GBP6: variants seen among roughly 807,000 people sequenced by gnomAD.
GBP6 encodes the protein guanylate-binding protein 6.
In GBP6, 54 loss-of-function variants were observed where a neutral mutation model predicts 61.5. The observed-to-expected ratio is 0.88, with a 90% CI of 0.71 to 1.10. The LOEUF is 1.10. Among genes scored for constraint, GBP6 ranks in the 50% least tolerant of loss-of-function variants. The pLI is 0.00. For synonymous variants in GBP6, 255 were observed against 273.7 expected (o/e 0.93, Z 0.67); for missense variants, 748 against 752.8 (o/e 0.99, Z 0.07).
intron 6 of GBP6, among the ~76,000 whole-genome samples, chr1:89,380,901 CT>C (rs1364039332): frequency 6.6e-6 from 1 of 152,102 alleles, no homozygotes; most frequent in Admixed American, 6.5e-5. Flanking sequence ...ATAAAAACAT[CT>C]ATAATATTTT....
chr1:89,378,044 G>A, intron 3 of GBP6, 59 bp from the exon 4 acceptor site: 3 of 1,425,388 alleles, frequency 2.1e-6, no homozygotes, highest in Non-Finnish European at 2.9e-6. Context: ...CAAAATAAAT[G>A]TCTCAGTGAA....
intron 3 of GBP6, among the ~76,000 whole-genome samples, chr1:89,373,751 A>G (rs891835112): frequency 2.6e-4 from 39 of 152,132 alleles, no homozygotes; most frequent in African/African-American, 9.2e-4. Context: ...CCAACATGGC[A>G]CATGTATACA....
At chr1:89,375,064 C>T (rs6428525) in intron 3 of GBP6, among the ~76,000 whole-genome samples, 132,259 of 152,182 alleles carry the variant, frequency 0.87, 57,603 homozygotes, top group Admixed American at 0.89. Context: ...GGATAATGCC[C>T]TCCAGGCCCA....
At chr1:89,376,972 T>C (rs1410143006) in intron 3 of GBP6, among the ~76,000 whole-genome samples, 1 of 152,164 alleles carries the variant, frequency 6.6e-6, no homozygotes, top group Non-Finnish European at 1.5e-5. Context: ...AGAATCCTCA[T>C]TGATTACTTT....
At chr1:89,377,315 TG>T (rs1484681361) in intron 3 of GBP6, among the ~76,000 whole-genome samples, 2 of 152,188 alleles carry the variant, frequency 1.3e-5, no homozygotes, top group African/African-American at 2.4e-5. Context: ...CAAAGACTCC[TG>T]AAATCTACAA....
intron 6 of GBP6, among the ~76,000 whole-genome samples, chr1:89,381,364 A>T (rs1652972312): frequency 6.6e-6 from 1 of 151,630 alleles, no homozygotes; most frequent in Non-Finnish European, 1.5e-5. Flanking sequence ...AATAAATGTG[A>T]TATGATTTAC....
chr1:89,380,704 T>G, intron 6 of GBP6, 73 bp downstream of exon 6: 1 of 1,441,414 alleles, frequency 6.9e-7, no homozygotes, highest in Non-Finnish European at 9.4e-7. Context: ...TTCTCAGAAT[T>G]TTTGTTAGAT....
At chr1:89,375,868 G>GCTTGTA (rs1229992925) in intron 3 of GBP6, among the ~76,000 whole-genome samples, 1 of 151,860 alleles carries the variant, frequency 6.6e-6, no homozygotes, top group Non-Finnish European at 1.5e-5. Flanking sequence ...TATTCTTCTG[G>GCTTGTA]TATTTTTACG....
rs557016068 is a variant in GBP6 at position 89,380,543 on chromosome 1, C to T, written c.783C>T (p.Phe261=). Residue 261 remains phenylalanine, a synonymous_variant, in exon 6 of 11, where the codon TTC becomes TTT. Coordinates refer to ENST00000370456, the MANE Select transcript of GBP6 (RefSeq NM_198460.3). The part of the protein sequence containing the change: ...KVSEKQLDPK[F]QEQTNIFCSY... The stretch of plus-strand genomic sequence containing the variant: ...CAGAAAAGCAACTGGATCCCAAATT[C>T]CAGGAACAAACAAACATTTTCTGTT... 2.5e-6 allele frequency: 4 copies of T among 1,614,070 alleles called. No individual in the cohort carries two copies. The African/African-American group carries it at 4.0e-5, about 16-fold the overall frequency.
rs770565352 is a variant in GBP6, at chr1:89,380,598, A to G, written c.838A>G (p.Thr280Ala). ...CATCTTCACTCATGCAAGAACCAAG[A>G]CCCTCAGGGAGGGAATCACAGTCAC... ...SYIFTHARTK[T>A]LREGITVTGN... The change falls in exon 6 of 11, where the codon ACC (threonine) becomes GCC (alanine). Residue 280 changes from threonine (T) to alanine (A), a missense_variant. Physicochemically the swap from Thr to Ala is moderately conservative, Grantham distance 58 (BLOSUM62 0). Transcript: ENST00000370456. 204 of 1,613,760 alleles carry G rather than the reference A, an allele frequency of 1.3e-4. No homozygotes were observed. In the East Asian group the frequency reaches 4.5e-3, roughly 35 times the overall value.
At chr1:89,368,826 G>C (rs931122210) in intron 2 of GBP6, 85 bp downstream of exon 2, 10 of 1,269,146 alleles carry the variant, frequency 7.9e-6, no homozygotes, top group African/African-American at 1.5e-5. Context: ...AGCACATGAA[G>C]GTAGACTCCA....
chr1:89,367,732 C>T (rs1240491692), intron 1 of GBP6, among the ~76,000 whole-genome samples: 1 of 152,096 alleles, frequency 6.6e-6, no homozygotes, highest in Non-Finnish European at 1.5e-5. Flanking sequence ...TTGTGTATGA[C>T]ATACCAGAAA....
chr1:89,375,605 T>TG (rs1652783560), intron 3 of GBP6, among the ~76,000 whole-genome samples: 2 of 151,658 alleles, frequency 1.3e-5, no homozygotes, highest in Non-Finnish European at 2.9e-5. Context: ...GTATAAGGAT[T>TG]TTTTTTTGCT....
chr1:89,371,520 A>T (rs1419935657), intron 3 of GBP6, among the ~76,000 whole-genome samples: 2 of 152,238 alleles, frequency 1.3e-5, no homozygotes, highest in Non-Finnish European at 2.9e-5. Context: ...TATGCAAATC[A>T]ATAAACATAA....
rs922616746 is a variant in GBP6, at chr1:89,378,486, C to T, written c.498C>T (p.Ser166=). The T allele has an allele frequency of 3.1e-6, 5 of 1,613,966 alleles. No individual in the cohort carries two copies. Among genetic ancestry groups the T allele is most frequent in the Non-Finnish European group, 4.2e-6 (5 of 1,180,000 alleles). ...CAAGGCCTGATGGAGTAGAAGATTCCACAGAGTTTGTGAGTTTCTTCCCAG... is the reference window on the plus strand; with the variant it reads ...CAAGGCCTGATGGAGTAGAAGATTCTACAGAGTTTGTGAGTTTCTTCCCAG... ...SSPRPDGVED[S]TEFVSFFPDF... The change falls in exon 5 of 11, where the codon TCC becomes TCT. Residue 166 remains serine (S), a synonymous_variant. Coordinates refer to ENST00000370456, the MANE Select transcript of GBP6 (RefSeq NM_198460.3).
intron 3 of GBP6, among the ~76,000 whole-genome samples, chr1:89,373,499 G>A (rs914623141): frequency 3.3e-5 from 5 of 152,152 alleles, no homozygotes; most frequent in African/African-American, 1.2e-4. Context: ...AAAATGATGA[G>A]TTCATGTCCT....
At chr1:89,365,306 G>T (rs1652440882) in intron 1 of GBP6, among the ~76,000 whole-genome samples, 1 of 152,226 alleles carries the variant, frequency 6.6e-6, no homozygotes, top group South Asian at 2.1e-4. Flanking sequence ...AAAGTTGTTT[G>T]CAGGAGCAGC....
chr1:89,380,733 G>A (rs897096612), intron 6 of GBP6, 102 bp downstream of exon 6: 14 of 994,582 alleles, frequency 1.4e-5, no homozygotes, highest in East Asian at 1.2e-4. Flanking sequence ...GAAAAACTAC[G>A]TGTATACAGG....
chr1:89,367,088 G>T (rs1344856404), intron 1 of GBP6, among the ~76,000 whole-genome samples: 1 of 151,948 alleles, frequency 6.6e-6, no homozygotes, highest in East Asian at 1.9e-4. Context: ...TCATCTTTTG[G>T]CTATTGTGCA....
Sources: gnomAD v4.1 joint callset for allele counts (sites outside exome capture counted in the v4.1 genomes callset) on GRCh38, gnomAD v4.1.1 for gene constraint, MANE v1.5 for transcripts, NCBI Gene and HGNC (gene_info 2026-07-23, HGNC 2026-07-21) for gene names.